The following KCNH5 variants were observed in gnomAD, a reference collection of about 807,000 sequenced individuals.
KCNH5 encodes the protein potassium voltage-gated channel subfamily H member 5, also known as voltage-gated delayed rectifier potassium channel KCNH5.
KCNH5 carries 46 observed loss-of-function variants against 96.1 expected under a neutral mutation model. The observed-to-expected ratio is 0.48, with a 90% CI of 0.38 to 0.61. KCNH5 has a LOEUF of 0.61. Ranked by LOEUF, KCNH5 falls within the 20% of genes least tolerant of loss-of-function variation. The probability of loss-of-function intolerance (pLI) is 0.00; values close to 1 mark genes in which losing one functional copy is unlikely to be tolerated. For synonymous variants in KCNH5, 439 were observed against 449.8 expected (o/e 0.98, Z 0.30); for missense variants, 907 against 1,225.8 (o/e 0.74, Z 3.88).
intron 4 of KCNH5, among the ~76,000 whole-genome samples, chr14:62,997,756 C>T (rs932907637): frequency 2.0e-5 from 3 of 151,432 alleles, no homozygotes; most frequent in Non-Finnish European, 4.4e-5. Flanking sequence ...AAAAATTAAC[C>T]GGGCATGGTG....
chr14:62,874,245 C>G (rs1051554260), intron 7 of KCNH5, among the ~76,000 whole-genome samples: 1 of 151,780 alleles, frequency 6.6e-6, no homozygotes, highest in African/African-American at 2.4e-5. Context: ...AAAAATGGCT[C>G]ATAATATTGA....
chr14:62,992,871 T>C (rs1218510939), intron 4 of KCNH5, among the ~76,000 whole-genome samples: 1 of 152,030 alleles, frequency 6.6e-6, no homozygotes, highest in Non-Finnish European at 1.5e-5. Flanking sequence ...TTGAGGTCTT[T>C]GTCATGAATT....
chr14:62,740,302 C>A (rs1429584449), intron 10 of KCNH5, among the ~76,000 whole-genome samples: 1 of 152,028 alleles, frequency 6.6e-6, no homozygotes. Context: ...TTTCGGTGTC[C>A]ATCTTTGTTG....
chr14:63,018,463 G>T (rs1218478577), intron 1 of KCNH5, among the ~76,000 whole-genome samples: 1 of 152,018 alleles, frequency 6.6e-6, no homozygotes, highest in African/African-American at 2.4e-5. Context: ...AAGGGCTAAA[G>T]AGATGGATAG....
At chr14:62,973,999 C>T (rs577132970) in intron 6 of KCNH5, among the ~76,000 whole-genome samples, 6 of 152,122 alleles carry the variant, frequency 3.9e-5, no homozygotes, top group South Asian at 4.2e-4. Flanking sequence ...AAATTATTAA[C>T]GTAATTATAC....
intron 6 of KCNH5, among the ~76,000 whole-genome samples, chr14:62,964,578 T>C (rs1890270915): frequency 6.6e-6 from 1 of 152,140 alleles, no homozygotes; most frequent in African/African-American, 2.4e-5. Context: ...ACTTGGCTTC[T>C]TCCTAAGTCT....
At chr14:62,764,564 G>A (rs934099689) in intron 10 of KCNH5, among the ~76,000 whole-genome samples, 4 of 152,056 alleles carry the variant, frequency 2.6e-5, no homozygotes, top group African/African-American at 9.7e-5. Context: ...ATCCAAACAG[G>A]GAGAGGAAGT....
At chr14:62,888,108 A>G (rs1304445645) in intron 7 of KCNH5, among the ~76,000 whole-genome samples, 1 of 152,210 alleles carries the variant, frequency 6.6e-6, no homozygotes, top group African/African-American at 2.4e-5. Context: ...TCTGCAGGTA[A>G]CTTTTACAGC....
intron 10 of KCNH5, among the ~76,000 whole-genome samples, chr14:62,747,576 C>G (rs1411857450): frequency 6.6e-6 from 1 of 151,834 alleles, no homozygotes; most frequent in Non-Finnish European, 1.5e-5. Context: ...TCAGGATGAG[C>G]TTAGAACCTG....
chr14:62,908,885 T>C (rs1317118598), intron 7 of KCNH5, among the ~76,000 whole-genome samples: 1 of 140,256 alleles, frequency 7.1e-6, no homozygotes, highest in African/African-American at 2.6e-5. Context: ...TCACCAAACT[T>C]GGGGGTGGTC....
At chr14:62,988,774 T>C (rs751573708) in intron 4 of KCNH5, among the ~76,000 whole-genome samples, 13 of 152,120 alleles carry the variant, frequency 8.5e-5, no homozygotes, top group Admixed American at 2.0e-4. Context: ...GCAATCTCTA[T>C]GACAAATTGA....
chr14:63,003,539 TA>T (rs1891059675), intron 3 of KCNH5, among the ~76,000 whole-genome samples: 39 of 113,358 alleles, frequency 3.4e-4, no homozygotes, highest in African/African-American at 1.4e-3. Flanking sequence ...ATATATTATA[TA>T]TTATATATAG....
At chr14:63,005,268 C>G (rs1891102984) in intron 3 of KCNH5, among the ~76,000 whole-genome samples, 1 of 152,156 alleles carries the variant, frequency 6.6e-6, no homozygotes, top group Non-Finnish European at 1.5e-5. Context: ...ACAAATGTTT[C>G]CATTATCAAG....
At chr14:62,918,326 C>G (rs920207202) in intron 7 of KCNH5, among the ~76,000 whole-genome samples, 6 of 151,826 alleles carry the variant, frequency 4.0e-5, no homozygotes, top group Non-Finnish European at 7.4e-5. Flanking sequence ...GTACAGAAGG[C>G]CCCAAAAGCA....
intron 10 of KCNH5, among the ~76,000 whole-genome samples, chr14:62,750,376 A>G (rs573781313): frequency 2.7e-4 from 41 of 152,308 alleles, no homozygotes; most frequent in African/African-American, 9.6e-4. Flanking sequence ...GCTGTCATTG[A>G]CAAGCCAGCC....
intron 8 of KCNH5, among the ~76,000 whole-genome samples, chr14:62,842,294 C>CTGT (rs1314317660): frequency 1.3e-5 from 2 of 152,124 alleles, no homozygotes; most frequent in Non-Finnish European, 2.9e-5. Context: ...AAGCCACTGG[C>CTGT]TGTTATTTTA....
intron 10 of KCNH5, among the ~76,000 whole-genome samples, chr14:62,723,467 G>A (rs1364140749): frequency 1.3e-5 from 2 of 152,106 alleles, no homozygotes; most frequent in Non-Finnish European, 2.9e-5. Flanking sequence ...TATTTTGGGG[G>A]TTTAGTGTTT....
intron 10 of KCNH5, among the ~76,000 whole-genome samples, chr14:62,721,044 T>G (rs1249123868): frequency 6.6e-6 from 1 of 152,262 alleles, no homozygotes; most frequent in Non-Finnish European, 1.5e-5. Context: ...TGAGGTTCCC[T>G]CTGCCCTGGC....
chr14:62,915,324 A>G (rs1889253308), intron 7 of KCNH5, among the ~76,000 whole-genome samples: 1 of 152,220 alleles, frequency 6.6e-6, no homozygotes, highest in African/African-American at 2.4e-5. Flanking sequence ...ATTGAATAGA[A>G]TATTTCAGGT....
Sources: gnomAD v4.1 joint callset for allele counts (sites outside exome capture counted in the v4.1 genomes callset) on GRCh38, gnomAD v4.1.1 for gene constraint, MANE v1.5 for transcripts, NCBI Gene and HGNC (gene_info 2026-07-23, HGNC 2026-07-21) for gene names.